Variants in LRRC49 observed in about 807,000 individuals in gnomAD.
The protein encoded by LRRC49 is leucine rich repeat containing 49, also known as leucine-rich repeat-containing protein 49.
Under a neutral mutation model 83.3 loss-of-function variants are expected in LRRC49, and 50 were observed. The observed-to-expected ratio is 0.60, with a 90% CI of 0.48 to 0.76. The LOEUF is 0.76. Among genes scored for constraint, LRRC49 ranks in the 30% least tolerant of loss-of-function variants. LRRC49 has a pLI of 0.00. For missense variants in LRRC49, 704 were observed against 809.1 expected, an observed-to-expected ratio of 0.87 and a Z score of 1.58; for synonymous variants, 286 against 283.3, an observed-to-expected ratio of 1.01 and a Z score of -0.10.
intron 14 of LRRC49, among the ~76,000 whole-genome samples, chr15:71,020,951 T>C (rs2038974826): frequency 6.6e-6 from 1 of 152,094 alleles, no homozygotes; most frequent in African/African-American, 2.4e-5. Flanking sequence ...AAATTAGGAG[T>C]ATCCAATCTT....
At chr15:70,884,182 T>G (rs890299861) in intron 2 of LRRC49, among the ~76,000 whole-genome samples, 4 of 152,012 alleles carry the variant, frequency 2.6e-5, no homozygotes, top group Admixed American at 2.6e-4. Flanking sequence ...TTCAAACCAC[T>G]GAAAAAATAT....
intron 1 of LRRC49, among the ~76,000 whole-genome samples, chr15:70,864,964 G>C (rs1167148933): frequency 6.6e-6 from 1 of 152,162 alleles, no homozygotes; most frequent in Non-Finnish European, 1.5e-5. Context: ...ATCTTTGCTA[G>C]GCCCTCTATA....
intron 14 of LRRC49, among the ~76,000 whole-genome samples, chr15:71,029,554 A>C (rs1057478943): frequency 1.3e-5 from 2 of 152,148 alleles, no homozygotes; most frequent in East Asian, 3.9e-4. Flanking sequence ...TCCAGAGCTG[A>C]GTTCAAATCC....
At chr15:70,894,512 G>T (rs2033745019) in intron 2 of LRRC49, 1 of 633,976 alleles carries the variant, frequency 1.6e-6, no homozygotes, top group Non-Finnish European at 2.3e-6. Flanking sequence ...TCTGGCTTTT[G>T]ATTTAATTTT....
intron 7 of LRRC49, among the ~76,000 whole-genome samples, chr15:70,930,554 C>G (rs2035369268): frequency 6.6e-6 from 1 of 152,222 alleles, no homozygotes; most frequent in Non-Finnish European, 1.5e-5. Context: ...ACGAGAGAGT[C>G]AGCATGTGTT....
At chr15:70,873,288 A>G (rs1165922263) in intron 2 of LRRC49, 9 of 1,459,224 alleles carry the variant, frequency 6.2e-6, no homozygotes, top group Non-Finnish European at 8.4e-6. Flanking sequence ...CCCCTCACTG[A>G]ACTAAAACAT....
Position 70,919,186 on chromosome 15 carries a change from C to CT in LRRC49, c.707dup (p.Val237ArgfsTer6). The stretch of plus-strand genomic sequence containing the variant: ...CTTAACTTGCGACACAATCAAATCA[C>CT]TTTCGTGGTGAGTATTAAAATGGAG... On this transcript the variant is annotated frameshift_variant, in exon 7 of 16. Transcript: ENST00000260382. LOFTEE classifies it high-confidence loss of function. 1.9e-6 allele frequency: 3 copies of CT among 1,610,118 alleles called. No individual in the cohort carries two copies. The highest frequency in any genetic ancestry group is 2.5e-6 in the Non-Finnish European group (3 of 1,178,548).
chr15:70,963,674 C>A (rs2036689278), intron 8 of LRRC49, 111 bp from the exon 9 acceptor site: 2 of 1,238,078 alleles, frequency 1.6e-6, no homozygotes, highest in African/African-American at 3.0e-5. Context: ...TCTGTACTAT[C>A]TTCTCAATTT....
intron 9 of LRRC49, among the ~76,000 whole-genome samples, chr15:70,968,737 A>G (rs1353808625): frequency 6.6e-6 from 1 of 152,168 alleles, no homozygotes; most frequent in Non-Finnish European, 1.5e-5. Flanking sequence ...ATGACCAGTG[A>G]TGATGAGCTT....
At chr15:71,039,245 T>A (rs1429756130) in intron 15 of LRRC49, among the ~76,000 whole-genome samples, 1 of 152,114 alleles carries the variant, frequency 6.6e-6, no homozygotes, top group Non-Finnish European at 1.5e-5. Context: ...TATTAAAAGA[T>A]GAGACCAGAA....
rs1484134249 is a variant in LRRC49, at chr15:71,009,796, T to A, written c.1408-11T>A. 5 of 1,597,258 alleles carry A rather than the reference T, an allele frequency of 3.1e-6. No individual in the cohort carries two copies. The highest frequency in any genetic ancestry group is 3.4e-6 in the Non-Finnish European group (4 of 1,167,528). The stretch of plus-strand genomic sequence containing the variant: ...AATGTTCTGATCTGTATTTGTGTTT[T>A]ATCATTGCAGCACCTTAAATTCAAG... On this transcript the variant is annotated splice_polypyrimidine_tract_variant and intron_variant, in intron 12 of 15. Coordinates refer to ENST00000260382, the MANE Select transcript of LRRC49 (RefSeq NM_017691.5).
intron 9 of LRRC49, among the ~76,000 whole-genome samples, chr15:70,970,404 AT>A (rs1361829002): frequency 6.6e-6 from 1 of 152,190 alleles, no homozygotes; most frequent in Admixed American, 6.5e-5. Flanking sequence ...GGATTTTCGC[AT>A]TGATGTTCAT....
At chr15:71,015,659 A>G (rs2038803207) in intron 14 of LRRC49, among the ~76,000 whole-genome samples, 8 of 152,214 alleles carry the variant, frequency 5.3e-5, no homozygotes, top group Admixed American at 5.2e-4. Flanking sequence ...CCTGATATAC[A>G]GCATAGCAAA....
chr15:70,946,968 A>G (rs2036030879), intron 8 of LRRC49, among the ~76,000 whole-genome samples: 1 of 152,104 alleles, frequency 6.6e-6, no homozygotes, highest in Non-Finnish European at 1.5e-5. Context: ...ATAGACCCCC[A>G]GGTTAGAGAC....
intron 1 of LRRC49, among the ~76,000 whole-genome samples, chr15:70,866,256 C>G (rs1163626562): frequency 1.3e-5 from 2 of 152,062 alleles, no homozygotes; most frequent in African/African-American, 2.4e-5. Flanking sequence ...AGGTGATTCT[C>G]CTGCCTCAGC....
rs745785612 is a variant in LRRC49 at position 70,963,842 on chromosome 15, T to A, written c.831T>A (p.Asp277Glu). 1.9e-6 allele frequency: 3 copies of A among 1,613,712 alleles called. No homozygotes were observed. The Admixed American group carries it at 5.0e-5, about 27-fold the overall frequency. Residue 277 changes from aspartate (D) to glutamate (E), a missense_variant, in exon 9 of 16, where the codon GAT (aspartate) becomes GAA (glutamate). Physicochemically the swap from Asp to Glu is conservative, Grantham distance 45. This residue lies in a region of LRRC49 where 261 missense variants were observed against 330.5 expected (regional missense o/e 0.79). Coordinates refer to ENST00000260382, the MANE Select transcript of LRRC49 (RefSeq NM_017691.5). ...DSSSLSDITF[D>E]GNPIAQESWY... is the part of the protein sequence containing the mutation. ...CTTCCCTCTCGGACATCACCTTTGA[T>A]GGCAATCCCATAGCTCAAGAGTCAT...
chr15:71,032,474 A>T (rs1183189619), intron 14 of LRRC49, among the ~76,000 whole-genome samples: 1 of 152,034 alleles, frequency 6.6e-6, no homozygotes, highest in Non-Finnish European at 1.5e-5. Context: ...ACTATTCCAA[A>T]CAATTGAAAA....
chr15:70,945,753 T>C (rs992714943), intron 8 of LRRC49, among the ~76,000 whole-genome samples: 3 of 151,938 alleles, frequency 2.0e-5, no homozygotes, highest in Non-Finnish European at 2.9e-5. Context: ...TTTAAAAAAT[T>C]TTGCTTCCAT....
Position 71,008,526 on chromosome 15 carries a change from A to G in LRRC49, c.1317A>G (p.Gly439=), listed in dbSNP as rs765883689. Residue 439 remains glycine, a synonymous_variant, in exon 12 of 16, where the codon GGA becomes GGG. Transcript: ENST00000260382. ...LDRNWSVQTA[G]MITTVSFTFI... is the part of the protein sequence containing the mutation. ...GGAATTGGAGTGTTCAAACAGCAGGAATGATCACAACAGTCTCCTTCACTT... is the reference window on the plus strand; with the variant it reads ...GGAATTGGAGTGTTCAAACAGCAGGGATGATCACAACAGTCTCCTTCACTT... The G allele has an allele frequency of 1.2e-6, 2 of 1,612,754 alleles. No homozygotes were observed. Among genetic ancestry groups the G allele is most frequent in the Admixed American group, 3.3e-5 (2 of 59,860 alleles).
Sources: allele counts gnomAD v4.1 joint callset (sites outside exome capture counted in the v4.1 genomes callset), GRCh38; gene constraint gnomAD v4.1.1; regional missense constraint gnomAD v4.1.1; transcripts MANE v1.5; gene names NCBI Gene and HGNC (gene_info 2026-07-23, HGNC 2026-07-21).